SH3BGRL2: variants seen among roughly 807,000 people sequenced by gnomAD.
SH3BGRL2 encodes SH3 domain-binding glutamic acid-rich-like protein 2.
A neutral mutation model predicts 14.8 loss-of-function variants in SH3BGRL2; 21 were observed. The observed-to-expected ratio is 1.42, with a 90% confidence interval of 1.01 to 2.05. The LOEUF is 2.05. SH3BGRL2 is among the 30% of genes most tolerant of loss of function. The pLI is 0.00. For missense variants in SH3BGRL2, 147 were observed against 130.8 expected (o/e 1.12, Z -0.61); for synonymous variants, 50 against 47.8 (o/e 1.05, Z -0.19).
intron 2 of SH3BGRL2, 57 bp downstream of exon 2, chr6:79,673,856 C>T: frequency 6.5e-7 from 1 of 1,546,404 alleles, no homozygotes; most frequent in South Asian, 1.2e-5. Context: ...ACACATGCCA[C>T]CTAGAGTGCA....
chr6:79,615,405 C>T, the SH3BGRL2 span, among the ~76,000 whole-genome samples: 1 of 152,148 alleles, frequency 6.6e-6, no homozygotes, highest in Non-Finnish European at 1.5e-5. Context: ...GCCTCTTCTG[C>T]GCAGGGTAAC....
chr6:79,659,346 T>G (rs1467902466), intron 1 of SH3BGRL2, among the ~76,000 whole-genome samples: 1 of 152,244 alleles, frequency 6.6e-6, no homozygotes, highest in African/African-American at 2.4e-5. Context: ...AGTTTCAGCT[T>G]TCTACATATG....
At chr6:79,597,729 A>G in the SH3BGRL2 span, among the ~76,000 whole-genome samples, 1 of 152,220 alleles carries the variant, frequency 6.6e-6, no homozygotes, top group African/African-American at 2.4e-5. Flanking sequence ...ATGACACCAA[A>G]AAGACAAGCA....
At chr6:79,612,139 T>G in the SH3BGRL2 span, among the ~76,000 whole-genome samples, 20 of 151,858 alleles carry the variant, frequency 1.3e-4, no homozygotes, top group Non-Finnish European at 2.7e-4. Context: ...CTAGTAAAAA[T>G]ACAAAAAATT....
the SH3BGRL2 span, among the ~76,000 whole-genome samples, chr6:79,570,411 T>C: frequency 3.3e-5 from 5 of 152,188 alleles, 1 homozygote; most frequent in Middle Eastern, 0.017. Context: ...AGATAGGGAA[T>C]CAAAAAACAA....
the SH3BGRL2 span, among the ~76,000 whole-genome samples, chr6:79,538,831 T>G: frequency 6.6e-6 from 1 of 152,256 alleles, no homozygotes; most frequent in African/African-American, 2.4e-5. Flanking sequence ...TCTTCATTCA[T>G]GACTCCAGAC....
the SH3BGRL2 span, among the ~76,000 whole-genome samples, chr6:79,573,480 T>C: frequency 6.6e-6 from 1 of 152,318 alleles, no homozygotes; most frequent in South Asian, 2.1e-4. Context: ...TTGCCCTATG[T>C]TCTCTCATTT....
intron 1 of SH3BGRL2, among the ~76,000 whole-genome samples, chr6:79,637,703 A>C (rs1768954196): frequency 6.6e-6 from 1 of 152,172 alleles, no homozygotes; most frequent in Non-Finnish European, 1.5e-5. Context: ...AAAAAAAAAA[A>C]AGAAAATGTA....
the SH3BGRL2 span, among the ~76,000 whole-genome samples, chr6:79,584,790 A>G: frequency 2.0e-5 from 3 of 152,142 alleles, no homozygotes; most frequent in Non-Finnish European, 4.4e-5. Flanking sequence ...GTGTGGGGAA[A>G]TGGATACTCT....
At chr6:79,540,552 G>T in the SH3BGRL2 span, among the ~76,000 whole-genome samples, 68 of 152,208 alleles carry the variant, frequency 4.5e-4, no homozygotes, top group African/African-American at 1.6e-3. Context: ...ACTTGATTTT[G>T]CAGTACAAAA....
chr6:79,651,759 A>T (rs1769300960), intron 1 of SH3BGRL2, among the ~76,000 whole-genome samples: 1 of 152,160 alleles, frequency 6.6e-6, no homozygotes, highest in Non-Finnish European at 1.5e-5. Flanking sequence ...GTTATTAAAC[A>T]GTGCAAGGCT....
intron 2 of SH3BGRL2, among the ~76,000 whole-genome samples, chr6:79,678,868 C>A (rs149744467): frequency 1.2e-4 from 18 of 152,226 alleles, no homozygotes; most frequent in African/African-American, 3.9e-4. Flanking sequence ...GAACATGCAG[C>A]ATTTGGTTTT....
the SH3BGRL2 span, among the ~76,000 whole-genome samples, chr6:79,600,433 G>A: frequency 3.1e-4 from 47 of 152,142 alleles, no homozygotes; most frequent in Non-Finnish European, 5.4e-4. Flanking sequence ...GCAAAATGGG[G>A]GCTTGGCAGT....
chr6:79,577,216 T>C, the SH3BGRL2 span, among the ~76,000 whole-genome samples: 1 of 152,240 alleles, frequency 6.6e-6, no homozygotes, highest in African/African-American at 2.4e-5. Context: ...CTTTCTATTT[T>C]GTTTCAGTGA....
At position 79,631,360 on chromosome 6, in the gene SH3BGRL2, T is replaced by C. The variant is rs529863245; in HGVS notation, c.-102T>C. ...CAGCGATCTTCCCCGACGGCAGCGCTTTACCCAGAGGCTGCCGGCGGCTCG... is the reference window on the plus strand; with the variant it reads ...CAGCGATCTTCCCCGACGGCAGCGCCTTACCCAGAGGCTGCCGGCGGCTCG... On this transcript the variant is annotated 5_prime_UTR_variant, in exon 1 of 4. Coordinates refer to ENST00000369838, the MANE Select transcript of SH3BGRL2 (RefSeq NM_031469.4). 7 of 1,115,948 alleles carry C rather than the reference T, an allele frequency of 6.3e-6. No homozygotes were observed. Among genetic ancestry groups the C allele is most frequent in the Non-Finnish European group, 8.4e-6 (7 of 833,248 alleles). 69.1% of individuals were successfully genotyped at this position (1,115,948 alleles called of 1,614,324 possible). A position where few individuals can be genotyped will look rare whatever the true frequency, so the allele number is the denominator to read the frequency against.
intron 1 of SH3BGRL2, among the ~76,000 whole-genome samples, chr6:79,634,466 A>G (rs946035371): frequency 2.6e-5 from 4 of 152,242 alleles, no homozygotes; most frequent in Admixed American, 2.6e-4. Flanking sequence ...AATTTAATTT[A>G]TTCTGGATGT....
chr6:79,699,624 T>C lies in SH3BGRL2; in HGVS notation c.*115T>C, dbSNP rs1446328022. 2.2e-6 allele frequency: 3 copies of C among 1,333,842 alleles called. No individual in the cohort carries two copies. Among genetic ancestry groups the C allele is most frequent in the East Asian group, 4.9e-5 (2 of 40,678 alleles). The allele number at this position is 1,333,842 out of a possible 1,614,324, so 82.6% of individuals were successfully genotyped here. The stretch of plus-strand genomic sequence containing the variant: ...AAGCCACACGCATTATCAGTAACTT[T>C]GCTTGCCACGGAAAAGGTGTTTTTG... On this transcript the variant is annotated 3_prime_UTR_variant, in exon 4 of 4. Coordinates refer to ENST00000369838, the MANE Select transcript of SH3BGRL2 (RefSeq NM_031469.4).
the SH3BGRL2 span, among the ~76,000 whole-genome samples, chr6:79,599,690 A>G: frequency 6.0e-3 from 915 of 152,310 alleles, 6 homozygotes; most frequent in Non-Finnish European, 9.3e-3. Flanking sequence ...AACGGATTCA[A>G]TTGGCTAGGA....
At chr6:79,696,326 G>A (rs185813787) in intron 2 of SH3BGRL2, among the ~76,000 whole-genome samples, 159 bp from the exon 3 acceptor site, 14 of 152,258 alleles carry the variant, frequency 9.2e-5, no homozygotes, top group East Asian at 1.9e-4. Context: ...AAATTTTTAC[G>A]TGCAAGCAGA....
Sources: allele counts gnomAD v4.1 joint callset (sites outside exome capture counted in the v4.1 genomes callset), GRCh38; gene constraint gnomAD v4.1.1; transcripts MANE v1.5; gene names NCBI Gene and HGNC (gene_info 2026-07-23, HGNC 2026-07-21).